Variants in ZNF507 observed in about 807,000 individuals in gnomAD.
ZNF507 encodes zinc finger protein 507.
A neutral mutation model predicts 80.0 loss-of-function variants in ZNF507; 29 were observed. The observed-to-expected ratio is 0.36, with a 90% confidence interval of 0.27 to 0.49. The LOEUF is 0.49. Ranked by LOEUF, ZNF507 falls within the 20% of genes least tolerant of loss-of-function variation. The probability of loss-of-function intolerance (pLI) is 0.98; values close to 1 mark genes in which losing one functional copy is unlikely to be tolerated. For synonymous variants in ZNF507, 462 were observed against 422.5 expected, an observed-to-expected ratio of 1.09 and a Z score of -1.15; for missense variants, 1,081 against 1,152.2, an observed-to-expected ratio of 0.94 and a Z score of 0.90.
intron 4 of ZNF507, chr19:32,358,179 C>A (rs1428387762): frequency 6.6e-6 from 1 of 152,104 alleles, no homozygotes. Flanking sequence ...AGTACTGTAG[C>A]AGTTCAAATG....
At chr19:32,361,157 A>C (rs2145324955) in intron 5 of ZNF507, among the ~76,000 whole-genome samples, 1 of 152,348 alleles carries the variant, frequency 6.6e-6, no homozygotes, top group African/African-American at 2.4e-5. Flanking sequence ...GATCCTTAAA[A>C]CTTAAAGGCA....
rs558295166 is a variant in ZNF507, at chr19:32,371,479, CA to C, written c.2360+10877del. Among the ~76,000 whole-genome samples, 554 of 112,292 alleles carry C rather than the reference CA, an allele frequency of 4.9e-3. 3 individuals are homozygous for C. Among genetic ancestry groups the C allele is most frequent in the Middle Eastern group, 0.019 (4 of 208 alleles). The allele number at this position is 112,292 out of a possible 152,430, so 73.7% of individuals were successfully genotyped here. On this transcript the variant is annotated intron_variant, in intron 5 of 6. Coordinates refer to ENST00000355898, the MANE Select transcript of ZNF507 (RefSeq NM_001136156.2). Reference sequence around the variant, plus strand: ...GGCAACAAAAGCGAAACTCCCATCTCAAAAAAAAAAAAAAAATGACTGTGCC... The same window carrying C: ...GGCAACAAAAGCGAAACTCCCATCTCAAAAAAAAAAAAAAATGACTGTGCC...
chr19:32,371,636 TA>T (rs1295245539), intron 5 of ZNF507, among the ~76,000 whole-genome samples: 412 of 94,290 alleles, frequency 4.4e-3, no homozygotes, highest in Non-Finnish European at 7.0e-3. Context: ...TTATTATTAT[TA>T]TTATTATTTT....
intron 1 of ZNF507, among the ~76,000 whole-genome samples, chr19:32,346,425 T>A (rs1410654067): frequency 1.3e-5 from 2 of 152,206 alleles, no homozygotes; most frequent in African/African-American, 4.8e-5. Context: ...TTTTTAAGTT[T>A]CTGCAGTGGG....
chr19:32,381,880 T>G (rs1967627807), intron 5 of ZNF507, among the ~76,000 whole-genome samples: 1 of 152,214 alleles, frequency 6.6e-6, no homozygotes, highest in African/African-American at 2.4e-5. Flanking sequence ...TAAAAATCTT[T>G]CATTGTTAAA....
chr19:32,377,535 G>A (rs962880576), intron 5 of ZNF507, among the ~76,000 whole-genome samples: 22 of 152,130 alleles, frequency 1.4e-4, no homozygotes, highest in African/African-American at 5.3e-4. Flanking sequence ...ATTAACTCTT[G>A]TTGTTTTATA....
chr19:32,363,135 T>C (rs1967352391), intron 5 of ZNF507, among the ~76,000 whole-genome samples: 1 of 152,238 alleles, frequency 6.6e-6, no homozygotes, highest in African/African-American at 2.4e-5. Flanking sequence ...TTTCTCTGGC[T>C]CATTTCATGT....
Position 32,353,513 on chromosome 19 carries a change from C to A in ZNF507, c.683C>A (p.Thr228Asn), listed in dbSNP as rs773903115. 1 of 1,614,216 alleles carries A rather than the reference C, an allele frequency of 6.2e-7. No homozygotes were observed. The highest frequency in any genetic ancestry group is 2.2e-5 in the East Asian group (1 of 44,892). Residue 228 changes from threonine (T) to asparagine (N), a missense_variant, in exon 3 of 7, where the codon ACT becomes AAT. Physicochemically the swap from Thr to Asn is moderately conservative, Grantham distance 65. This residue lies in a region of ZNF507 where 275 missense variants were observed against 303.9 expected (regional missense o/e 0.90). Transcript: ENST00000355898. Reference protein sequence around the residue: ...VDNLQTHTVQTASVAEMGRRK... With the variant: ...VDNLQTHTVQNASVAEMGRRK... ...AATCTACAGACTCATACTGTCCAAA[C>A]TGCATCTGTGGCAGAAATGGGTAGG...
At position 32,352,918 on chromosome 19, in the gene ZNF507, T is replaced by G. The variant is rs548563078; in HGVS notation, c.88T>G (p.Ser30Ala). 2 of 1,614,108 alleles carry G rather than the reference T, an allele frequency of 1.2e-6. No individual in the cohort carries two copies. The highest frequency in any genetic ancestry group is 1.3e-5 in the African/African-American group (1 of 75,054). Residue 30 changes from serine (S) to alanine (A), a missense_variant, in exon 3 of 7, where the codon TCA becomes GCA. By Grantham distance (99) the Ser-to-Ala change is moderately conservative (BLOSUM62 1). This residue lies in a region of ZNF507 where 275 missense variants were observed against 303.9 expected (regional missense o/e 0.90). Transcript: ENST00000355898. ...GACTGCTGAAAGTATCATCAGTCCT[T>G]CATTGGAAATTGATGAACAAAGAAA... ...ILTAESIISPSLEIDEQRKTK... is the reference protein window; with the variant it reads ...ILTAESIISPALEIDEQRKTK...
chr19:32,378,649 TTAA>T (rs777264423), intron 5 of ZNF507, among the ~76,000 whole-genome samples: 26 of 122,386 alleles, frequency 2.1e-4, no homozygotes, highest in African/African-American at 3.6e-4. Context: ...CTTTTTTTTT[TTAA>T]AAAAAAAAGG....
At chr19:32,374,785 AC>A (rs1213651690) in intron 5 of ZNF507, among the ~76,000 whole-genome samples, 2 of 151,926 alleles carry the variant, frequency 1.3e-5, no homozygotes, top group Non-Finnish European at 2.9e-5. Flanking sequence ...CTCGGCCTAT[AC>A]CTCTTCTTTC....
Position 32,354,027 on chromosome 19 carries a change from G to A in ZNF507, c.1197G>A (p.Val399=), listed in dbSNP as rs1337392310. ...PNKKGHVNVI[V]ERLPSAEETL... is the part of the protein sequence containing the mutation. Reference sequence around the variant, plus strand: ...AAAAAGGGCATGTTAACGTGATAGTGGAGCGATTGCCAAGTGCTGAAGAAA... The same window carrying A: ...AAAAAGGGCATGTTAACGTGATAGTAGAGCGATTGCCAAGTGCTGAAGAAA... The change falls in exon 3 of 7, where the codon GTG becomes GTA. Residue 399 remains valine (V), a synonymous_variant. Transcript: ENST00000355898. The A allele has an allele frequency of 6.8e-6, 11 of 1,614,010 alleles. No individual in the cohort carries two copies. The highest frequency in any genetic ancestry group is 9.3e-6 in the Non-Finnish European group (11 of 1,180,026).
chr19:32,359,915 G>C (rs915859735), intron 4 of ZNF507: 2 of 152,280 alleles, frequency 1.3e-5, no homozygotes. Context: ...GAGTGGGGGA[G>C]AGATCTCTTG....
intron 5 of ZNF507, among the ~76,000 whole-genome samples, chr19:32,377,781 C>G (rs960597506): frequency 6.6e-6 from 1 of 152,124 alleles, no homozygotes; most frequent in Non-Finnish European, 1.5e-5. Flanking sequence ...GTGGGCTGCA[C>G]CCAGTGACCC....
In ZNF507 at chr19:32,353,464, C is replaced by G. The variant is rs758381137; in HGVS notation, c.634C>G (p.Pro212Ala). Residue 212 changes from proline (P) to alanine (A), a missense_variant, in exon 3 of 7, where the codon CCA becomes GCA. By Grantham distance (27) the Pro-to-Ala change is conservative. Around this residue, in one of 6 missense-constraint regions of ZNF507, gnomAD observed 275 missense variants for 303.9 expected, o/e 0.90. Transcript: ENST00000355898. ...RKTTERNETI[P>A]DIPVSVDNLQ... ...AACCACAGAAAGAAATGAAACCATT[C>G]CAGATATCCCAGTAAGTGTGGACAA... 6 of 1,614,216 alleles carry G rather than the reference C, an allele frequency of 3.7e-6. No homozygotes were observed. Among genetic ancestry groups the G allele is most frequent in the Non-Finnish European group, 5.1e-6 (6 of 1,180,030 alleles).
intron 5 of ZNF507, among the ~76,000 whole-genome samples, chr19:32,362,824 T>G (rs1158346635): frequency 6.6e-6 from 1 of 152,252 alleles, no homozygotes; most frequent in Non-Finnish European, 1.5e-5. Context: ...CTCCACTTTG[T>G]CACTGGGTTT....
Position 32,384,487 on chromosome 19 carries a change from C to T in ZNF507, c.*1404C>T, listed in dbSNP as rs1169226574. 1 of 152,190 alleles carries T rather than the reference C, an allele frequency of 6.6e-6. No individual in the cohort carries two copies. The highest frequency in any genetic ancestry group is 1.5e-5 in the Non-Finnish European group (1 of 68,038). The allele number at this position is 152,190 out of a possible 1,614,324, so 9.4% of individuals were successfully genotyped here. A position where few individuals can be genotyped will look rare whatever the true frequency, so the allele number is the denominator to read the frequency against. On this transcript the variant is annotated 3_prime_UTR_variant, in exon 7 of 7. Coordinates refer to ENST00000355898, the MANE Select transcript of ZNF507 (RefSeq NM_001136156.2). ...GGTGCGCTCTTCTGTGCACCATCCT[C>T]ACGGTGCTATTTCCGAATATCTGAA...
At chr19:32,376,611 G>A (rs1340823586) in intron 5 of ZNF507, among the ~76,000 whole-genome samples, 2 of 152,178 alleles carry the variant, frequency 1.3e-5, no homozygotes, top group South Asian at 2.1e-4. Flanking sequence ...ACCAATGTAG[G>A]GACCAGCCCC....
chr19:32,365,868 A>G lies in ZNF507; in HGVS notation c.2360+5250A>G, dbSNP rs1031077477. ...GTACTCCACACACTGCCCGGGACAT[A>G]GTAGGTGCTCGGTAAATGTTGACTG... On this transcript the variant is annotated intron_variant, in intron 5 of 6. Transcript: ENST00000355898. 2.0e-5 allele frequency among the ~76,000 whole-genome samples: 3 copies of G among 152,222 alleles called. No homozygotes were observed. The South Asian group carries it at 6.2e-4, about 31-fold the overall frequency.
Sources: gnomAD v4.1 joint callset for allele counts (sites outside exome capture counted in the v4.1 genomes callset) on GRCh38, gnomAD v4.1.1 for gene constraint, gnomAD v4.1.1 regional missense constraint, MANE v1.5 for transcripts, NCBI Gene and HGNC (gene_info 2026-07-23, HGNC 2026-07-21) for gene names.